NRXN1: variants seen among roughly 807,000 people sequenced by gnomAD.
The protein encoded by NRXN1 is neurexin 1, also known as neurexin-1.
In NRXN1, 39 loss-of-function variants were observed where a neutral mutation model predicts 150.9. The ratio of observed to expected loss-of-function variants is 0.26; its 90% CI spans 0.20 to 0.34. The LOEUF is 0.34. Among genes scored for constraint, NRXN1 ranks in the 10% least tolerant of loss-of-function variants. The pLI is 1.00. For missense variants in NRXN1, 1,815 were observed against 1,949.9 expected, an observed-to-expected ratio of 0.93 and a Z score of 1.30; for synonymous variants, 924 against 757.0, an observed-to-expected ratio of 1.22 and a Z score of -3.62.
At chr2:50,471,176 T>C (rs545491688) in intron 16 of NRXN1, among the ~76,000 whole-genome samples, 1 of 151,908 alleles carries the variant, frequency 6.6e-6, no homozygotes, top group African/African-American at 2.4e-5. Context: ...AGTCGTGAAG[T>C]CTAACATTTC....
chr2:50,517,844 C>T (rs2105095549), intron 12 of NRXN1, among the ~76,000 whole-genome samples: 1 of 152,256 alleles, frequency 6.6e-6, no homozygotes, highest in East Asian at 1.9e-4. Flanking sequence ...TGGAAACACC[C>T]TCCAGAGACT....
chr2:50,575,378 C>T (rs1671278822), intron 8 of NRXN1, among the ~76,000 whole-genome samples: 1 of 152,136 alleles, frequency 6.6e-6, no homozygotes, highest in Admixed American at 6.5e-5. Flanking sequence ...GGGTGGGCGA[C>T]ATATGGGCTA....
At chr2:50,550,091 A>G (rs1667217213) in intron 9 of NRXN1, among the ~76,000 whole-genome samples, 1 of 152,196 alleles carries the variant, frequency 6.6e-6, no homozygotes, top group South Asian at 2.1e-4. Context: ...ATTTTGAATT[A>G]ATCGTGTATT....
chr2:50,315,237 A>C (rs2152968092), intron 17 of NRXN1, among the ~76,000 whole-genome samples: 1 of 152,196 alleles, frequency 6.6e-6, no homozygotes, highest in Middle Eastern at 3.4e-3. Context: ...AAAACTGCAC[A>C]GGCAGCAGCT....
chr2:50,513,732 G>C (rs1317271587), intron 12 of NRXN1, among the ~76,000 whole-genome samples: 5 of 151,952 alleles, frequency 3.3e-5, no homozygotes, highest in African/African-American at 9.7e-5. Context: ...TTCAAGCAAT[G>C]GAAGCAAAGA....
At chr2:50,353,687 T>G (rs139938754) in intron 17 of NRXN1, among the ~76,000 whole-genome samples, 497 of 152,294 alleles carry the variant, frequency 3.3e-3, no homozygotes, top group Non-Finnish European at 1.5e-3. Flanking sequence ...TCATAGGTAC[T>G]TTATGCCAAA....
chr2:50,235,713 A>T (rs1559143512), intron 18 of NRXN1, among the ~76,000 whole-genome samples: 1 of 152,200 alleles, frequency 6.6e-6, no homozygotes, highest in East Asian at 1.9e-4. Flanking sequence ...GTGAGCACTG[A>T]TAGAAGGAGA....
intron 5 of NRXN1, among the ~76,000 whole-genome samples, chr2:50,778,074 T>A (rs1042873399): frequency 6.6e-6 from 1 of 152,136 alleles, no homozygotes; most frequent in Non-Finnish European, 1.5e-5. Flanking sequence ...CCCCCCCTTT[T>A]TTCTTTACAC....
intron 5 of NRXN1, among the ~76,000 whole-genome samples, chr2:50,717,177 A>G (rs564944365): frequency 1.7e-4 from 26 of 152,332 alleles, no homozygotes; most frequent in African/African-American, 6.0e-4. Context: ...CATGCAATAC[A>G]TATATGTTAC....
chr2:50,460,889 T>C (rs1463381845), intron 17 of NRXN1, among the ~76,000 whole-genome samples: 3 of 152,036 alleles, frequency 2.0e-5, no homozygotes, highest in Non-Finnish European at 4.4e-5. Context: ...AAAGAGTATC[T>C]GGTTGTGGAC....
intron 17 of NRXN1, among the ~76,000 whole-genome samples, chr2:50,244,767 C>A (rs2066347776): frequency 6.6e-6 from 1 of 151,766 alleles, no homozygotes; most frequent in South Asian, 2.1e-4. Context: ...TTTGAATTTT[C>A]TAACCATAAA....
chr2:50,839,928 T>G (rs1393160445), intron 5 of NRXN1, among the ~76,000 whole-genome samples: 1 of 152,184 alleles, frequency 6.6e-6, no homozygotes, highest in Non-Finnish European at 1.5e-5. Flanking sequence ...CAACTTGACA[T>G]TTGACACTTG....
At chr2:50,724,932 T>A (rs977224080) in intron 5 of NRXN1, among the ~76,000 whole-genome samples, 2 of 150,890 alleles carry the variant, frequency 1.3e-5, no homozygotes, top group Non-Finnish European at 3.0e-5. Flanking sequence ...ACAAAAAAAC[T>A]GTTGAACACC....
intron 5 of NRXN1, among the ~76,000 whole-genome samples, chr2:50,816,881 T>C (rs1380992201): frequency 1.9e-4 from 29 of 152,140 alleles, no homozygotes; most frequent in Admixed American, 1.9e-3. Context: ...TAACCAGGAA[T>C]GATTTATGTA....
intron 17 of NRXN1, among the ~76,000 whole-genome samples, chr2:50,323,337 T>C (rs1322810116): frequency 1.3e-5 from 2 of 152,174 alleles, no homozygotes; most frequent in African/African-American, 4.8e-5. Context: ...GTGAAGCTGA[T>C]GCTGTCAGTC....
chr2:51,015,331 C>A (rs571624283), intron 2 of NRXN1, among the ~76,000 whole-genome samples: 30 of 152,198 alleles, frequency 2.0e-4, no homozygotes, highest in African/African-American at 7.0e-4. Context: ...GCTTGAGCAT[C>A]TTTCCATCCT....
chr2:50,928,382 T>C (rs953100353), intron 2 of NRXN1, among the ~76,000 whole-genome samples: 2 of 152,022 alleles, frequency 1.3e-5, no homozygotes, highest in Non-Finnish European at 2.9e-5. Flanking sequence ...TCTTCCATTC[T>C]ATTCTATTCT....
chr2:50,766,235 G>A (rs1702368860), intron 5 of NRXN1, among the ~76,000 whole-genome samples: 1 of 151,966 alleles, frequency 6.6e-6, no homozygotes, highest in Non-Finnish European at 1.5e-5. Flanking sequence ...GGCATGCTTG[G>A]CTAAGCATTC....
At chr2:50,042,452 G>A (rs985771118) in intron 21 of NRXN1, among the ~76,000 whole-genome samples, 1 of 152,168 alleles carries the variant, frequency 6.6e-6, no homozygotes, top group Non-Finnish European at 1.5e-5. Flanking sequence ...ATGATTGTAA[G>A]TTTCCTGAGG....
Sources: gnomAD v4.1 joint callset for allele counts (sites outside exome capture counted in the v4.1 genomes callset) on GRCh38, gnomAD v4.1.1 for gene constraint, MANE v1.5 for transcripts, NCBI Gene and HGNC (gene_info 2026-07-23, HGNC 2026-07-21) for gene names.